LRFN2: variants seen among roughly 807,000 people sequenced by gnomAD.
LRFN2 encodes the protein leucine-rich repeat and fibronectin type-III domain-containing protein 2.
A neutral mutation model predicts 37.3 loss-of-function variants in LRFN2; 18 were observed. That is an observed-to-expected ratio of 0.48 (90% CI 0.33 to 0.72). LRFN2 has a LOEUF of 0.72. Among genes scored for constraint, LRFN2 ranks in the 30% least tolerant of loss-of-function variants. The probability of loss-of-function intolerance (pLI) is 0.02; values close to 1 mark genes in which losing one functional copy is unlikely to be tolerated. For missense variants in LRFN2, 1,006 were observed against 1,060.7 expected (o/e 0.95, Z 0.72); for synonymous variants, 556 against 466.6 (o/e 1.19, Z -2.47).
At chr6:40,451,797 C>T (rs1009657416) in intron 1 of LRFN2, among the ~76,000 whole-genome samples, 5 of 152,156 alleles carry the variant, frequency 3.3e-5, no homozygotes, top group East Asian at 3.9e-4. Context: ...CAAGGTGCCC[C>T]TTCTAGGAGA....
rs985984306 is a variant in LRFN2 at position 40,461,109 on chromosome 6, G to T, written c.-18-27978C>A. On this transcript the variant is annotated intron_variant, in intron 1 of 2. Transcript: ENST00000338305. ...CATTTTGAGCTGAAAAGTGACATTAGAAATTTTACACACTGGGCTGGGCGC... is the reference window on the plus strand; with the variant it reads ...CATTTTGAGCTGAAAAGTGACATTATAAATTTTACACACTGGGCTGGGCGC... 2.0e-5 allele frequency among the ~76,000 whole-genome samples: 3 copies of T among 152,120 alleles called. No homozygotes were observed. The South Asian group carries it at 6.2e-4, about 32-fold the overall frequency.
chr6:40,400,102 TC>T, intron 2 of LRFN2, among the ~76,000 whole-genome samples: 1 of 151,830 alleles, frequency 6.6e-6, no homozygotes, highest in East Asian at 1.9e-4. Flanking sequence ...CAGAGCTATC[TC>T]TTCTCTCCCT....
chr6:40,510,674 CA>C (rs944774636), intron 1 of LRFN2, among the ~76,000 whole-genome samples: 14 of 152,170 alleles, frequency 9.2e-5, no homozygotes, highest in Non-Finnish European at 4.4e-5. Flanking sequence ...GGTCCATGAC[CA>C]GAATGCCAGG....
At chr6:40,410,363 G>T (rs1762940924) in intron 2 of LRFN2, among the ~76,000 whole-genome samples, 1 of 152,130 alleles carries the variant, frequency 6.6e-6, no homozygotes, top group African/African-American at 2.4e-5. Flanking sequence ...AAGGGGATGG[G>T]ATATTGGGGT....
intron 1 of LRFN2, among the ~76,000 whole-genome samples, chr6:40,445,372 C>A (rs554735843): frequency 6.6e-6 from 1 of 152,290 alleles, no homozygotes; most frequent in East Asian, 1.9e-4. Flanking sequence ...TGTCCTACCC[C>A]CTCCCAGATG....
intron 1 of LRFN2, among the ~76,000 whole-genome samples, chr6:40,558,770 C>T (rs1440700473): frequency 1.3e-5 from 2 of 152,218 alleles, no homozygotes; most frequent in Non-Finnish European, 2.9e-5. Flanking sequence ...TCCCACAAAA[C>T]CTCTGTGAGG....
chr6:40,487,088 C>A (rs1764977157), intron 1 of LRFN2, among the ~76,000 whole-genome samples: 1 of 152,138 alleles, frequency 6.6e-6, no homozygotes. Context: ...AGTCTGTTCC[C>A]TGAGGACATG....
intron 2 of LRFN2, among the ~76,000 whole-genome samples, chr6:40,424,940 T>C (rs866406351): frequency 6.6e-6 from 1 of 152,262 alleles, no homozygotes; most frequent in Non-Finnish European, 1.5e-5. Flanking sequence ...ACAGTAGAGA[T>C]GGCTGTCTTT....
At chr6:40,442,273 G>A (rs1763856017) in intron 1 of LRFN2, among the ~76,000 whole-genome samples, 1 of 152,168 alleles carries the variant, frequency 6.6e-6, no homozygotes, top group Non-Finnish European at 1.5e-5. Context: ...GCTGGAGAAT[G>A]TTCACTCTAT....
intron 2 of LRFN2, among the ~76,000 whole-genome samples, chr6:40,402,153 C>T (rs1762753352): frequency 6.6e-6 from 1 of 152,228 alleles, no homozygotes; most frequent in Admixed American, 6.5e-5. Context: ...TTCCATCCTG[C>T]ATACAATTTA....
intron 1 of LRFN2, 43 bp downstream of exon 1, chr6:40,586,898 G>C (rs1313008173): frequency 6.6e-6 from 1 of 152,238 alleles, no homozygotes. Context: ...GAGCTCCCGC[G>C]GACACCCGGG....
chr6:40,422,163 C>T (rs1451970097), intron 2 of LRFN2, among the ~76,000 whole-genome samples: 1 of 151,496 alleles, frequency 6.6e-6, no homozygotes, highest in African/African-American at 2.4e-5. Context: ...GAGATAACCC[C>T]ATAGAGAAAA....
chr6:40,525,527 G>A (rs1766227485), intron 1 of LRFN2, among the ~76,000 whole-genome samples: 1 of 152,138 alleles, frequency 6.6e-6, no homozygotes, highest in Non-Finnish European at 1.5e-5. Context: ...CCATATATAT[G>A]TAAATAATGC....
chr6:40,451,244 T>C (rs1368006574), intron 1 of LRFN2, among the ~76,000 whole-genome samples: 1 of 152,216 alleles, frequency 6.6e-6, no homozygotes, highest in African/African-American at 2.4e-5. Flanking sequence ...AGAATTTATG[T>C]GGTAGAGGTG....
chr6:40,560,855 A>G (rs988904691), intron 1 of LRFN2, among the ~76,000 whole-genome samples: 24 of 152,344 alleles, frequency 1.6e-4, no homozygotes, highest in Middle Eastern at 6.8e-3. Context: ...TATGTCTTAC[A>G]GTGGGTTTAA....
chr6:40,570,170 A>G (rs1767162576), intron 1 of LRFN2, among the ~76,000 whole-genome samples: 1 of 152,056 alleles, frequency 6.6e-6, no homozygotes, highest in Non-Finnish European at 1.5e-5. Context: ...TTCTCTCTCT[A>G]ACCAACCCTC....
chr6:40,506,047 T>C (rs967870092), intron 1 of LRFN2, among the ~76,000 whole-genome samples: 2 of 152,250 alleles, frequency 1.3e-5, no homozygotes, highest in Non-Finnish European at 2.9e-5. Context: ...GGCCTAGATC[T>C]TTCAAGGAGC....
intron 1 of LRFN2, among the ~76,000 whole-genome samples, chr6:40,475,741 G>T (rs1452096127): frequency 2.0e-5 from 3 of 152,070 alleles, no homozygotes; most frequent in African/African-American, 7.2e-5. Context: ...ATTCCAGGGG[G>T]CACCATGCTT....
At chr6:40,535,015 C>T (rs1766422966) in intron 1 of LRFN2, among the ~76,000 whole-genome samples, 1 of 152,190 alleles carries the variant, frequency 6.6e-6, no homozygotes, top group Non-Finnish European at 1.5e-5. Flanking sequence ...TGAGATCTTT[C>T]TGACTACAAA....
Sources: gnomAD v4.1 joint callset for allele counts (sites outside exome capture counted in the v4.1 genomes callset) on GRCh38, gnomAD v4.1.1 for gene constraint, MANE v1.5 for transcripts, NCBI Gene and HGNC (gene_info 2026-07-23, HGNC 2026-07-21) for gene names.